The following LRRC7 variants were observed in gnomAD, a reference collection of about 807,000 sequenced individuals.
The protein encoded by LRRC7 is leucine-rich repeat-containing protein 7.
In LRRC7, 23 loss-of-function variants were observed where a neutral mutation model predicts 175.7. The observed-to-expected ratio is 0.13, with a 90% CI of 0.09 to 0.19. The LOEUF (loss-of-function observed/expected upper bound fraction) is 0.19. LRRC7 is among the 10% of genes least tolerant of loss of function. The pLI, the probability that LRRC7 is intolerant of heterozygous loss-of-function variation, is 1.00. For missense variants in LRRC7, 1,354 were observed against 1,904.7 expected, an observed-to-expected ratio of 0.71 and a Z score of 5.38; for synonymous variants, 685 against 680.9, an observed-to-expected ratio of 1.01 and a Z score of -0.09.
intron 2 of LRRC7, among the ~76,000 whole-genome samples, chr1:69,688,569 A>G (rs1162501945): frequency 2.6e-5 from 4 of 151,880 alleles, no homozygotes; most frequent in Non-Finnish European, 5.9e-5. Context: ...TATGAACCTC[A>G]CACATGTGCA....
intron 1 of LRRC7, among the ~76,000 whole-genome samples, chr1:69,654,327 T>C (rs1297404274): frequency 1.3e-5 from 2 of 152,118 alleles, no homozygotes; most frequent in Non-Finnish European, 2.9e-5. Context: ...ATGGAAACTA[T>C]ACGTATAAAA....
intron 7 of LRRC7, among the ~76,000 whole-genome samples, chr1:69,927,522 T>C (rs1163585854): frequency 6.6e-6 from 1 of 152,228 alleles, no homozygotes; most frequent in Non-Finnish European, 1.5e-5. Flanking sequence ...TATTCCTTTT[T>C]CTGTAAACTT....
At chr1:70,088,131 A>G (rs1663750564) in intron 24 of LRRC7, among the ~76,000 whole-genome samples, 1 of 152,250 alleles carries the variant, frequency 6.6e-6, no homozygotes. Flanking sequence ...GAATTCTTCC[A>G]GTATGTAGCT....
At chr1:70,066,625 A>G (rs1661997956) in intron 23 of LRRC7, among the ~76,000 whole-genome samples, 2 of 152,112 alleles carry the variant, frequency 1.3e-5, no homozygotes, top group Admixed American at 6.5e-5. Context: ...TTTATCATTT[A>G]CCTATGGAAG....
chr1:69,678,252 C>T (rs1660040970), intron 1 of LRRC7, 129 bp from the exon 2 acceptor site: 1 of 645,544 alleles, frequency 1.5e-6, no homozygotes, highest in East Asian at 2.8e-5. Context: ...CCAGCTTGCT[C>T]CTTGCCGGAT....
At chr1:69,657,117 T>C (rs1340926690) in intron 1 of LRRC7, among the ~76,000 whole-genome samples, 1 of 151,808 alleles carries the variant, frequency 6.6e-6, no homozygotes, top group Non-Finnish European at 1.5e-5. Flanking sequence ...ATTGTGTGTG[T>C]GTGTATGTGT....
chr1:69,589,115 GGTGT>G (rs55678803), intron 1 of LRRC7, among the ~76,000 whole-genome samples: 7,805 of 142,316 alleles, frequency 0.055, 334 homozygotes, highest in African/African-American at 0.11. Flanking sequence ...TCATAAAAAG[GGTGT>G]GTGTGTGTGT....
chr1:70,034,109 C>A (rs1448008351), intron 18 of LRRC7, among the ~76,000 whole-genome samples: 1 of 151,964 alleles, frequency 6.6e-6, no homozygotes, highest in East Asian at 1.9e-4. Context: ...AAATATGACA[C>A]CTTGTAACAA....
At chr1:69,954,446 G>A (rs928779124) in intron 8 of LRRC7, among the ~76,000 whole-genome samples, 1 of 152,018 alleles carries the variant, frequency 6.6e-6, no homozygotes, top group Non-Finnish European at 1.5e-5. Context: ...GGGGTCCACA[G>A]TGCTGACTTG....
At chr1:69,957,663 T>C (rs544416167) in intron 8 of LRRC7, among the ~76,000 whole-genome samples, 1 of 152,000 alleles carries the variant, frequency 6.6e-6, no homozygotes, top group East Asian at 1.9e-4. Context: ...TCAGAAGGTA[T>C]TTCAGTTTTG....
intron 1 of LRRC7, among the ~76,000 whole-genome samples, chr1:69,634,661 A>G (rs1016493514): frequency 6.6e-6 from 1 of 152,140 alleles, no homozygotes; most frequent in African/African-American, 2.4e-5. Flanking sequence ...ATGAAATCCA[A>G]ATTACCCTTT....
chr1:69,786,555 G>A (rs61784012), intron 3 of LRRC7, among the ~76,000 whole-genome samples: 80 of 152,132 alleles, frequency 5.3e-4, no homozygotes, highest in Non-Finnish European at 8.8e-4. Context: ...AAAGAAAGAG[G>A]TTTGTTGGAC....
chr1:69,844,438 C>T (rs986646059), intron 7 of LRRC7, among the ~76,000 whole-genome samples: 4 of 152,248 alleles, frequency 2.6e-5, no homozygotes, highest in South Asian at 2.1e-4. Flanking sequence ...GTAAGTGGAA[C>T]GTGCAGTATT....
At chr1:70,029,202 TG>T (rs1177608043) in intron 18 of LRRC7, among the ~76,000 whole-genome samples, 1 of 152,124 alleles carries the variant, frequency 6.6e-6, no homozygotes, top group African/African-American at 2.4e-5. Context: ...AAATATAAAA[TG>T]TGTCAATAAT....
intron 7 of LRRC7, among the ~76,000 whole-genome samples, chr1:69,852,248 A>C (rs745742158): frequency 6.6e-6 from 1 of 152,094 alleles, no homozygotes; most frequent in Non-Finnish European, 1.5e-5. Context: ...AAAACTACAT[A>C]TATCTTATTC....
At chr1:69,604,637 A>G (rs1647244185) in intron 1 of LRRC7, among the ~76,000 whole-genome samples, 1 of 152,120 alleles carries the variant, frequency 6.6e-6, no homozygotes, top group East Asian at 1.9e-4. Flanking sequence ...TGTTTTTGGC[A>G]TCATTTTTTA....
chr1:70,117,489 A>G (rs974290395), intron 26 of LRRC7, among the ~76,000 whole-genome samples: 4 of 152,172 alleles, frequency 2.6e-5, no homozygotes, highest in Non-Finnish European at 4.4e-5. Context: ...TGCAAATACT[A>G]TTTTCATTAA....
chr1:69,591,601 T>C (rs1302629437), intron 1 of LRRC7, among the ~76,000 whole-genome samples: 1 of 152,082 alleles, frequency 6.6e-6, no homozygotes, highest in African/African-American at 2.4e-5. Context: ...CACAACTCTA[T>C]GGTTCCACAG....
intron 7 of LRRC7, among the ~76,000 whole-genome samples, chr1:69,903,826 C>G (rs1461832766): frequency 6.6e-6 from 1 of 152,086 alleles, no homozygotes; most frequent in Non-Finnish European, 1.5e-5. Flanking sequence ...GGAGAGATCA[C>G]CACTGATCCC....
Sources: gnomAD v4.1 joint callset for allele counts (sites outside exome capture counted in the v4.1 genomes callset) on GRCh38, gnomAD v4.1.1 for gene constraint, MANE v1.5 for transcripts, NCBI Gene and HGNC (gene_info 2026-07-23, HGNC 2026-07-21) for gene names.